Variants in ITGA8 observed in about 807,000 individuals in gnomAD.
ITGA8 encodes integrin subunit alpha 8.
Under a neutral mutation model 142.3 loss-of-function variants are expected in ITGA8, and 91 were observed. The ratio of observed to expected loss-of-function variants is 0.64; its 90% CI spans 0.54 to 0.76. ITGA8 has a LOEUF of 0.76. Among genes scored for constraint, ITGA8 ranks in the 30% least tolerant of loss-of-function variants. The pLI is 0.00. For missense variants in ITGA8, 1,406 were observed against 1,327.7 expected, an observed-to-expected ratio of 1.06 and a Z score of -0.92; for synonymous variants, 505 against 485.2, an observed-to-expected ratio of 1.04 and a Z score of -0.54.
chr10:15,649,400 G>C (rs12217800), intron 11 of ITGA8, among the ~76,000 whole-genome samples: 14,573 of 151,854 alleles, frequency 0.096, 929 homozygotes, highest in East Asian at 0.29. Flanking sequence ...GGAGGCCGAG[G>C]TGGTCAGATC....
intron 11 of ITGA8, among the ~76,000 whole-genome samples, chr10:15,654,965 T>G (rs1335533945): frequency 6.6e-6 from 1 of 152,234 alleles, no homozygotes; most frequent in African/African-American, 2.4e-5. Context: ...CTGTTACATT[T>G]TTAAAGCAAC....
chr10:15,615,161 G>C (rs1396579112), intron 14 of ITGA8, among the ~76,000 whole-genome samples: 1 of 152,216 alleles, frequency 6.6e-6, no homozygotes, highest in Non-Finnish European at 1.5e-5. Context: ...GAAAGTGGCG[G>C]ATTGGAAGCG....
At chr10:15,613,525 C>A in intron 15 of ITGA8, 135 bp downstream of exon 15, 1 of 702,712 alleles carries the variant, frequency 1.4e-6, no homozygotes, top group South Asian at 1.7e-5. Flanking sequence ...GCAGCAGCAT[C>A]TCTTGAAGCT....
At chr10:15,708,174 T>C (rs1334307753) in intron 2 of ITGA8, among the ~76,000 whole-genome samples, 1 of 152,224 alleles carries the variant, frequency 6.6e-6, no homozygotes, top group African/African-American at 2.4e-5. Flanking sequence ...AATTTTACCA[T>C]TTGCTAATGC....
chr10:15,682,932 A>G (rs1286840954), intron 4 of ITGA8, among the ~76,000 whole-genome samples: 2 of 91,292 alleles, frequency 2.2e-5, no homozygotes, highest in Non-Finnish European at 5.1e-5. Context: ...TTAACCCTCT[A>G]ATATCACTAA....
chr10:15,545,963 T>C (rs1833660538), intron 27 of ITGA8, among the ~76,000 whole-genome samples: 1 of 152,202 alleles, frequency 6.6e-6, no homozygotes, highest in South Asian at 2.1e-4. Context: ...AATTTCTGTC[T>C]CATCAGTGGT....
At chr10:15,576,803 A>G (rs1834306269) in intron 23 of ITGA8, among the ~76,000 whole-genome samples, 1 of 152,248 alleles carries the variant, frequency 6.6e-6, no homozygotes, top group Non-Finnish European at 1.5e-5. Flanking sequence ...GAATGAGTAC[A>G]TTTTAAAAAC....
chr10:15,552,437 C>T (rs1229023486), intron 26 of ITGA8, among the ~76,000 whole-genome samples: 1 of 152,218 alleles, frequency 6.6e-6, no homozygotes, highest in Non-Finnish European at 1.5e-5. Flanking sequence ...TACACCCTGT[C>T]TAACTTTGAT....
At chr10:15,565,367 T>C (rs1288588185) in intron 25 of ITGA8, among the ~76,000 whole-genome samples, 4 of 152,004 alleles carry the variant, frequency 2.6e-5, no homozygotes, top group Admixed American at 2.6e-4. Context: ...TTTTTTGTTT[T>C]GTTTTGTTTT....
chr10:15,528,042 A>G (rs1833213562), intron 28 of ITGA8, among the ~76,000 whole-genome samples: 1 of 150,058 alleles, frequency 6.7e-6, no homozygotes, highest in Non-Finnish European at 1.5e-5. Context: ...CAGCCTCCTG[A>G]GTAGCTGGGA....
At chr10:15,591,672 C>A (rs1832925277) in intron 22 of ITGA8, among the ~76,000 whole-genome samples, 1 of 152,234 alleles carries the variant, frequency 6.6e-6, no homozygotes, top group Middle Eastern at 3.4e-3. Context: ...TCTCAAACAG[C>A]ATCAGCCTTA....
intron 2 of ITGA8, among the ~76,000 whole-genome samples, chr10:15,703,566 G>C (rs534468141): frequency 6.6e-6 from 1 of 152,304 alleles, no homozygotes; most frequent in South Asian, 2.1e-4. Flanking sequence ...TAAGTTATCT[G>C]TGCCAGATCA....
At chr10:15,693,235 TTG>T (rs1404817206) in intron 2 of ITGA8, among the ~76,000 whole-genome samples, 1 of 152,208 alleles carries the variant, frequency 6.6e-6, no homozygotes, top group Non-Finnish European at 1.5e-5. Flanking sequence ...GGCATCTTAT[TTG>T]TGTGTTTCCT....
At chr10:15,588,897 A>G (rs780013608) in intron 22 of ITGA8, among the ~76,000 whole-genome samples, 1 of 152,224 alleles carries the variant, frequency 6.6e-6, no homozygotes, top group Non-Finnish European at 1.5e-5. Flanking sequence ...GGCTAATCAA[A>G]ATCATCTTTT....
At chr10:15,522,588 C>A (rs370385585) in intron 28 of ITGA8, among the ~76,000 whole-genome samples, 1 of 152,186 alleles carries the variant, frequency 6.6e-6, no homozygotes, top group Non-Finnish European at 1.5e-5. Context: ...CCTCATAACC[C>A]CCAAGTCCAT....
intron 2 of ITGA8, among the ~76,000 whole-genome samples, chr10:15,696,861 C>CACAA (rs1554788842): frequency 3.6e-4 from 19 of 52,546 alleles, no homozygotes; most frequent in African/African-American, 1.1e-3. Context: ...TAACTCTTAC[C>CACAA]AAAAAAAAAA....
At chr10:15,638,819 A>C (rs2131640913) in intron 13 of ITGA8, among the ~76,000 whole-genome samples, 1 of 152,260 alleles carries the variant, frequency 6.6e-6, no homozygotes, top group African/African-American at 2.4e-5. Context: ...GAACGCCTGT[A>C]TGTCTGTGAG....
At chr10:15,628,358 G>T (rs1215154171) in intron 13 of ITGA8, among the ~76,000 whole-genome samples, 2 of 111,490 alleles carry the variant, frequency 1.8e-5, no homozygotes, top group Non-Finnish European at 3.3e-5. Flanking sequence ...TTTTGAGATG[G>T]AGTCTCGCTC....
At chr10:15,598,934 G>T (rs1388822088) in intron 20 of ITGA8, among the ~76,000 whole-genome samples, 3 of 152,250 alleles carry the variant, frequency 2.0e-5, no homozygotes, top group South Asian at 2.1e-4. Context: ...GCTCCTTAAG[G>T]ATCCATAACT....
Sources: allele counts gnomAD v4.1 joint callset (sites outside exome capture counted in the v4.1 genomes callset), GRCh38; gene constraint gnomAD v4.1.1; transcripts MANE v1.5; gene names NCBI Gene and HGNC (gene_info 2026-07-23, HGNC 2026-07-21).